The following HTR2C variants were observed in gnomAD, a reference collection of about 807,000 sequenced individuals.
HTR2C encodes the protein 5-hydroxytryptamine (serotonin) receptor 2C, G protein-coupled.
Under a neutral mutation model 21.0 loss-of-function variants are expected in HTR2C, and 5 were observed. That is an observed-to-expected ratio of 0.24 (90% CI 0.12 to 0.50). The LOEUF is 0.50. Ranked by LOEUF, HTR2C falls within the 20% of genes least tolerant of loss-of-function variation. The probability of loss-of-function intolerance (pLI) is 0.98; values close to 1 mark genes in which losing one functional copy is unlikely to be tolerated. For synonymous variants in HTR2C, 150 were observed against 145.3 expected (o/e 1.03, Z -0.23); for missense variants, 271 against 371.2 (o/e 0.73, Z 2.22).
intron 1 of HTR2C, among the ~76,000 whole-genome samples, chrX:114,612,731 G>T (rs1602637098): frequency 9.0e-6 from 1 of 110,779 alleles, no homozygotes; most frequent in East Asian, 2.8e-4. Context: ...TTCCTCTTTA[G>T]CAGAAGGACG....
intron 2 of HTR2C, among the ~76,000 whole-genome samples, chrX:114,698,472 ACAAACACG>A (rs1226086800): frequency 0.056 from 746 of 13,277 alleles, 2 homozygotes; most frequent in East Asian, 0.24. Flanking sequence ...ACACACACAC[ACAAACACG>A]CACACACACA....
intron 4 of HTR2C, among the ~76,000 whole-genome samples, chrX:114,794,764 T>A (rs2070272995): frequency 9.1e-6 from 1 of 109,431 alleles, no homozygotes; most frequent in Non-Finnish European, 1.9e-5. Flanking sequence ...ATTTTCTTAA[T>A]CCAGTCTATC....
chrX:114,598,304 T>A (rs1470457150), intron 1 of HTR2C, among the ~76,000 whole-genome samples: 4 of 111,850 alleles, frequency 3.6e-5, no homozygotes, highest in Non-Finnish European at 3.8e-5. Context: ...CCAAACCTCT[T>A]TTTGACTGAC....
intron 5 of HTR2C, among the ~76,000 whole-genome samples, chrX:114,905,192 C>T (rs2071362596): frequency 9.0e-6 from 1 of 110,650 alleles, no homozygotes; most frequent in South Asian, 3.8e-4. Context: ...GGACCAATAC[C>T]CAGGGAAGTC....
Position 114,726,372 on chromosome X carries a change from G to T in HTR2C, c.-79-486G>T, listed in dbSNP as rs929771332. On this transcript the variant is annotated intron_variant, in intron 2 of 5. Coordinates refer to ENST00000276198, the MANE Select transcript of HTR2C (RefSeq NM_000868.4). ...TGAGGCAATGCCTCGCCCTGCTTCG[G>T]CTCGCGCACGGTGCGTGCACCCACT... is the stretch of plus-strand genomic sequence containing the variant. Among the ~76,000 whole-genome samples the T allele has an allele frequency of 3.6e-5, 4 of 112,171 alleles. No individual in the cohort carries two copies. The East Asian group carries it at 1.1e-3, about 32-fold the overall frequency.
At chrX:114,713,205 T>G (rs925146109) in intron 2 of HTR2C, among the ~76,000 whole-genome samples, 4 of 111,389 alleles carry the variant, frequency 3.6e-5, no homozygotes, top group Non-Finnish European at 7.6e-5. Context: ...ATCTATCCCT[T>G]TCTCTTTCCC....
At position 114,636,435 on chromosome X, in the gene HTR2C, AAGG is replaced by A. The variant is rs782363332; in HGVS notation, c.-80+22556_-80+22558del. Among the ~76,000 whole-genome samples the A allele has an allele frequency of 5.2e-3, 583 of 112,183 alleles. 6 individuals are homozygous for A. Among genetic ancestry groups the A allele is most frequent in the Non-Finnish European group, 9.2e-3 (491 of 53,229 alleles). On this transcript the variant is annotated intron_variant, in intron 2 of 5. Transcript: ENST00000276198. ...TAAGTTGAGGATAGATCTAGCCTAA[AAGG>A]AATCTGATGAGCAAGAGAAAATTAT...
chrX:114,684,808 T>G (rs1931860831), intron 2 of HTR2C, among the ~76,000 whole-genome samples: 1 of 111,771 alleles, frequency 8.9e-6, no homozygotes, highest in African/African-American at 3.2e-5. Context: ...GGAAAAGGAC[T>G]AAAACAAGAT....
At chrX:114,764,400 C>CAA (rs375720855) in intron 4 of HTR2C, among the ~76,000 whole-genome samples, 27 of 39,020 alleles carry the variant, frequency 6.9e-4, no homozygotes, top group African/African-American at 1.8e-3. Context: ...AACTCCATCT[C>CAA]AAAAAAAAAA....
At chrX:114,849,630 A>C (rs1407804375) in intron 5 of HTR2C, among the ~76,000 whole-genome samples, 1 of 111,863 alleles carries the variant, frequency 8.9e-6, no homozygotes, top group Non-Finnish European at 1.9e-5. Flanking sequence ...TGGGATCACA[A>C]AAAAACCAGA....
chrX:114,591,472 T>G (rs1316414276), intron 1 of HTR2C, among the ~76,000 whole-genome samples: 2 of 111,818 alleles, frequency 1.8e-5, no homozygotes, highest in Non-Finnish European at 3.8e-5. Context: ...ATTGATACAA[T>G]GACTTGCTCT....
At chrX:114,782,199 G>A (rs1453809755) in intron 4 of HTR2C, among the ~76,000 whole-genome samples, 1 of 106,491 alleles carries the variant, frequency 9.4e-6, no homozygotes, top group African/African-American at 3.4e-5. Context: ...TTAAAATTCT[G>A]TATTTAGTGA....
intron 2 of HTR2C, among the ~76,000 whole-genome samples, chrX:114,650,683 CT>C (rs1470691746): frequency 8.9e-6 from 1 of 112,083 alleles, no homozygotes; most frequent in African/African-American, 3.2e-5. Flanking sequence ...TATTTGTTCT[CT>C]TCTTTATTAT....
intron 4 of HTR2C, among the ~76,000 whole-genome samples, chrX:114,835,698 T>C (rs782025920): frequency 1.1e-4 from 12 of 112,430 alleles, no homozygotes; most frequent in African/African-American, 2.9e-4. Context: ...AGCCTTCTTC[T>C]CTCAGCTCAT....
chrX:114,637,890 G>A (rs1929908614), intron 2 of HTR2C, among the ~76,000 whole-genome samples: 1 of 111,451 alleles, frequency 9.0e-6, no homozygotes, highest in South Asian at 3.8e-4. Flanking sequence ...ATTCGCTAAG[G>A]GAGAGTGAGT....
chrX:114,701,183 T>C (rs1932475490), intron 2 of HTR2C, among the ~76,000 whole-genome samples: 1 of 112,075 alleles, frequency 8.9e-6, no homozygotes, highest in African/African-American at 3.2e-5. Flanking sequence ...TAAATGTCAC[T>C]GTCTGACAGT....
At chrX:114,772,072 T>C (rs1480595507) in intron 4 of HTR2C, among the ~76,000 whole-genome samples, 3 of 111,849 alleles carry the variant, frequency 2.7e-5, no homozygotes, top group Non-Finnish European at 5.6e-5. Flanking sequence ...TGAAGTTCAG[T>C]AGACTGTTTT....
In HTR2C at chrX:114,726,854, C is replaced by T. The variant is rs200616289; in HGVS notation, c.-79-4C>T. 76 of 585,728 alleles carry T rather than the reference C, an allele frequency of 1.3e-4. No individual in the cohort carries two copies. In the African/African-American group the frequency reaches 1.7e-3, roughly 13 times the overall value. The allele number at this position is 585,728 out of a possible 1,213,427, so 48.3% of individuals were successfully genotyped here. ...TTTTCTCTTTCTTCTTTTTCTCTCCCCAGAAAGGATGATATGATGAACCTA... is the reference window on the plus strand; with the variant it reads ...TTTTCTCTTTCTTCTTTTTCTCTCCTCAGAAAGGATGATATGATGAACCTA... On this transcript the variant is annotated splice_polypyrimidine_tract_variant and splice_region_variant and intron_variant, in intron 2 of 5. Coordinates refer to ENST00000276198, the MANE Select transcript of HTR2C (RefSeq NM_000868.4).
chrX:114,889,182 C>T (rs1556482300), intron 5 of HTR2C, among the ~76,000 whole-genome samples: 1 of 112,187 alleles, frequency 8.9e-6, no homozygotes, highest in African/African-American at 3.2e-5. Context: ...AGTAACTCTG[C>T]AGAGTGTATA....
Sources: gnomAD v4.1 joint callset for allele counts (sites outside exome capture counted in the v4.1 genomes callset) on GRCh38, gnomAD v4.1.1 for gene constraint, MANE v1.5 for transcripts, NCBI Gene and HGNC (gene_info 2026-07-23, HGNC 2026-07-21) for gene names.